NRDC: variants seen among roughly 807,000 people sequenced by gnomAD.
The protein encoded by NRDC is nardilysin convertase.
NRDC carries 54 observed loss-of-function variants against 147.1 expected under a neutral mutation model. The ratio of observed to expected loss-of-function variants is 0.37; its 90% CI spans 0.29 to 0.46. The LOEUF is 0.46. NRDC is among the 20% of genes least tolerant of loss of function. NRDC has a pLI of 1.00. For synonymous variants in NRDC, 440 were observed against 482.1 expected (o/e 0.91, Z 1.14); for missense variants, 1,082 against 1,370.6 (o/e 0.79, Z 3.33).
intron 1 of NRDC, among the ~76,000 whole-genome samples, chr1:51,875,088 G>T (rs930850081): frequency 1.3e-5 from 2 of 152,214 alleles, no homozygotes; most frequent in African/African-American, 4.8e-5. Flanking sequence ...GCAGAATCTG[G>T]AAGGATAATT....
intron 1 of NRDC, among the ~76,000 whole-genome samples, chr1:51,845,232 T>A (rs939403685): frequency 2.0e-5 from 3 of 152,208 alleles, no homozygotes; most frequent in African/African-American, 7.2e-5. Flanking sequence ...TCTGTTGGCC[T>A]TAGGGGCCCT....
chr1:51,831,994 A>G (rs72900091), intron 4 of NRDC, among the ~76,000 whole-genome samples: 7,033 of 152,192 alleles, frequency 0.046, 413 homozygotes, highest in African/African-American at 0.13. Flanking sequence ...GGATTTTTCC[A>G]GATCAAATTA....
intron 4 of NRDC, among the ~76,000 whole-genome samples, chr1:51,831,351 A>G (rs1680698005): frequency 6.6e-6 from 1 of 152,200 alleles, no homozygotes; most frequent in South Asian, 2.1e-4. Flanking sequence ...AGCTAAATAT[A>G]AAGTTGTAAA....
chr1:51,821,612 G>C, intron 7 of NRDC, 57 bp from the exon 8 acceptor site: 1 of 1,168,092 alleles, frequency 8.6e-7, no homozygotes, highest in East Asian at 2.3e-5. Flanking sequence ...ATTCAAGGTA[G>C]AAATGCAATT....
At chr1:51,836,280 TAAGGATTCATTTGGAGATGG>T (rs1178749766) in intron 2 of NRDC, 68 bp from the exon 3 acceptor site, 3 of 1,585,406 alleles carry the variant, frequency 1.9e-6, no homozygotes, top group Non-Finnish European at 2.6e-6. Context: ...CATCTTATCT[TAAGGATTCATTTGGAGATGG>T]ATGTTTTCCA....
rs972001579 is a variant in NRDC, at chr1:51,794,731, T to C, written c.2636+92A>G. ...AAATCTACTACAAGTAGTATTTCAA[T>C]TGGGTGTTTAGTAACAATTAACTGA... is the stretch of plus-strand genomic sequence containing the variant. On this transcript the variant is annotated intron_variant, in intron 23 of 30. Coordinates refer to ENST00000352171, the MANE Select transcript of NRDC (RefSeq NM_001101662.2). 4.0e-5 allele frequency: 63 copies of C among 1,586,502 alleles called. No individual in the cohort carries two copies. The Admixed American group carries it at 6.9e-4, about 17-fold the overall frequency.
At chr1:51,859,986 A>G (rs71653015) in intron 1 of NRDC, 2,730 of 201,402 alleles carry the variant, frequency 0.014, 26 homozygotes, top group Admixed American at 0.023. Flanking sequence ...CCATAACAGG[A>G]CAAGGGGGAT....
Position 51,791,668 on chromosome 1 carries a change from G to T in NRDC, c.2877-7C>A. 1 of 1,610,084 alleles carries T rather than the reference G, an allele frequency of 6.2e-7. No individual in the cohort carries two copies. Among genetic ancestry groups the T allele is most frequent in the Non-Finnish European group, 8.5e-7 (1 of 1,176,342 alleles). On this transcript the variant is annotated splice_polypyrimidine_tract_variant and splice_region_variant and intron_variant, in intron 26 of 30. Coordinates refer to ENST00000352171, the MANE Select transcript of NRDC (RefSeq NM_001101662.2). Reference sequence around the variant, plus strand: ...GGTAGGGTAGACATGGTACCTACAAGCCAGAGAGAAAAGTTATATGAGCTC... The same window carrying T: ...GGTAGGGTAGACATGGTACCTACAATCCAGAGAGAAAAGTTATATGAGCTC...
rs114095621 is a variant in NRDC, at chr1:51,799,796, G to A, written c.2441+760C>T. 2.9e-3 allele frequency among the ~76,000 whole-genome samples: 446 copies of A among 152,340 alleles called. 1 individual carries two copies. Among genetic ancestry groups the A allele is most frequent in the African/African-American group, 0.01 (430 of 41,570 alleles). ...ATGAAGGCCCAAGGGGGTTGCCTGT[G>A]AGCAGAGGGTTTAAGTATTAGCATA... On this transcript the variant is annotated intron_variant, in intron 21 of 30. Transcript: ENST00000352171.
Position 51,831,734 on chromosome 1 carries a change from A to G in NRDC, c.866+2283T>C, listed in dbSNP as rs7546367. 8.5e-4 allele frequency among the ~76,000 whole-genome samples: 129 copies of G among 151,756 alleles called. 1 individual carries two copies. The highest frequency in any genetic ancestry group is 2.9e-3 in the African/African-American group (121 of 41,396). Reference sequence around the variant, plus strand: ...GCTGGGATTACAGGCCTGCGCCACCACACCCAGCTAATTTTTGTATTTTTA... The same window carrying G: ...GCTGGGATTACAGGCCTGCGCCACCGCACCCAGCTAATTTTTGTATTTTTA... On this transcript the variant is annotated intron_variant, in intron 4 of 30. Transcript: ENST00000352171.
chr1:51,840,514 T>C lies in NRDC; in HGVS notation c.342A>G (p.Arg114=), dbSNP rs781372261. The change falls in exon 2 of 31, where the codon CGA becomes CGG. Residue 114 remains arginine (R), a splice_region_variant and synonymous_variant. Transcript: ENST00000352171. ...GCAAGCCATTCTGTAATTTGATGTA[T>C]CTGGGGGGAGAAAAAAAAAATCACA... The part of the protein sequence containing the change: ...VKSPSDPKQY[R]YIKLQNGLQA... The C allele has an allele frequency of 4.4e-6, 7 of 1,575,980 alleles. No homozygotes were observed. The highest frequency in any genetic ancestry group is 6.0e-6 in the Non-Finnish European group (7 of 1,165,052).
chr1:51,873,479 TTTTA>T (rs57413276), intron 1 of NRDC, among the ~76,000 whole-genome samples: 20,582 of 141,744 alleles, frequency 0.15, 2,626 homozygotes, highest in African/African-American at 0.35. Flanking sequence ...TATATGGAAT[TTTTA>T]TTTATTTATT....
intron 19 of NRDC, among the ~76,000 whole-genome samples, chr1:51,804,291 A>T (rs1385891398): frequency 1.3e-5 from 2 of 152,246 alleles, no homozygotes; most frequent in African/African-American, 2.4e-5. Flanking sequence ...CATTCTGACT[A>T]ATTAAAAATA....
rs1200752257 is a variant in NRDC at position 51,790,880 on chromosome 1, GA to G, written c.3051+19del. ...GGCTTGTGTGGGCCAAAGGCCAAAA[GA>G]CCAGGCTGGCACAGTCACCTGGGTG... On this transcript the variant is annotated intron_variant, in intron 28 of 30. Transcript: ENST00000352171. 21 of 1,598,270 alleles carry G rather than the reference GA, an allele frequency of 1.3e-5. No individual in the cohort carries two copies. The highest frequency in any genetic ancestry group is 1.8e-5 in the Non-Finnish European group (21 of 1,168,110).
chr1:51,803,310 A>T (rs1355736177), intron 20 of NRDC, among the ~76,000 whole-genome samples: 1 of 152,100 alleles, frequency 6.6e-6, no homozygotes, highest in East Asian at 1.9e-4. Flanking sequence ...CCCCATCTCT[A>T]CTAAAAATAC....
At chr1:51,877,324 T>C (rs901241119) in intron 1 of NRDC, among the ~76,000 whole-genome samples, 2 of 152,120 alleles carry the variant, frequency 1.3e-5, no homozygotes, top group African/African-American at 4.8e-5. Flanking sequence ...TTCCTCAACC[T>C]GTTCAACGAA....
Position 51,790,626 on chromosome 1 carries a change from C to T in NRDC, c.3075G>A (p.Lys1025=). The T allele has an allele frequency of 6.2e-7, 1 of 1,613,694 alleles. No homozygotes were observed. The highest frequency in any genetic ancestry group is 8.5e-7 in the Non-Finnish European group (1 of 1,179,594). ...NTQVTALIKL[K]ECEDTHLGEE... is the part of the protein sequence containing the mutation. The stretch of plus-strand genomic sequence containing the variant: ...CCCCAAGGTGGGTATCCTCACACTC[C>T]TTCAGCTTGATGAGAGCTGTGACCT... The change falls in exon 29 of 31, where the codon AAG becomes AAA. Residue 1025 remains lysine, a synonymous_variant. Transcript: ENST00000352171.
intron 8 of NRDC, among the ~76,000 whole-genome samples, chr1:51,820,751 T>C (rs547004552): frequency 6.6e-6 from 1 of 152,270 alleles, no homozygotes; most frequent in Non-Finnish European, 1.5e-5. Flanking sequence ...AGAAGACTAA[T>C]TGGGAAAATC....
At chr1:51,837,731 A>G (rs1459362402) in intron 2 of NRDC, 5 of 749,768 alleles carry the variant, frequency 6.7e-6, no homozygotes, top group Non-Finnish European at 7.5e-6. Flanking sequence ...AATTCAATGT[A>G]TATCATATTC....
Sources: allele counts gnomAD v4.1 joint callset (sites outside exome capture counted in the v4.1 genomes callset), GRCh38; gene constraint gnomAD v4.1.1; transcripts MANE v1.5; gene names NCBI Gene and HGNC (gene_info 2026-07-23, HGNC 2026-07-21).